The following SCN3A variants were observed in gnomAD, a reference collection of about 807,000 sequenced individuals.
The protein encoded by SCN3A is sodium channel protein type 3 subunit alpha.
Under a neutral mutation model 187.6 loss-of-function variants are expected in SCN3A, and 60 were observed. The ratio of observed to expected loss-of-function variants is 0.32; its 90% CI spans 0.26 to 0.40. The LOEUF is 0.40. Ranked by LOEUF, SCN3A falls within the 10% of genes least tolerant of loss-of-function variation. The pLI, the probability that SCN3A is intolerant of heterozygous loss-of-function variation, is 1.00. For synonymous variants in SCN3A, 788 were observed against 829.2 expected, an observed-to-expected ratio of 0.95 and a Z score of 0.85; for missense variants, 1,601 against 2,428.2, an observed-to-expected ratio of 0.66 and a Z score of 7.16.
At chr2:165,099,089 G>GTGGC (rs1336108264) in intron 22 of SCN3A, among the ~76,000 whole-genome samples, 1 of 152,108 alleles carries the variant, frequency 6.6e-6, no homozygotes, top group Non-Finnish European at 1.5e-5. Flanking sequence ...AGTCTGGAGA[G>GTGGC]TGGCTTAATT....
chr2:165,126,441 TTC>T (rs1287003894), intron 18 of SCN3A, among the ~76,000 whole-genome samples: 1 of 151,168 alleles, frequency 6.6e-6, no homozygotes, highest in Non-Finnish European at 1.5e-5. Flanking sequence ...CTTCCTTCCT[TTC>T]TTTCTCTTTT....
chr2:165,097,746 TGAAAA>T, intron 22 of SCN3A: 1 of 584,718 alleles, frequency 1.7e-6, no homozygotes, highest in Non-Finnish European at 3.0e-6. Context: ...TGCTACAGTA[TGAAAA>T]GAAATCATTA....
chr2:165,115,406 C>T (rs373494996), intron 19 of SCN3A, 49 bp downstream of exon 19: 239 of 1,611,526 alleles, frequency 1.5e-4, no homozygotes, highest in Middle Eastern at 1.5e-3. Flanking sequence ...ATTCAGTCTC[C>T]GTAAAGAACA....
At chr2:165,099,633 C>T (rs566993473) in intron 22 of SCN3A, among the ~76,000 whole-genome samples, 12 of 152,216 alleles carry the variant, frequency 7.9e-5, no homozygotes, top group African/African-American at 2.6e-4. Context: ...AGGAGAATGG[C>T]GTGAACCCGG....
chr2:165,125,135 C>A (rs1686910839), intron 18 of SCN3A, among the ~76,000 whole-genome samples: 1 of 152,100 alleles, frequency 6.6e-6, no homozygotes, highest in South Asian at 2.1e-4. Flanking sequence ...GTCTTTAATA[C>A]CAAGCTCACT....
In SCN3A at chr2:165,130,240, G is replaced by T. The variant is rs1687231457; in HGVS notation, c.2622C>A (p.Ile874=). The T allele has an allele frequency of 1.2e-6, 2 of 1,614,142 alleles. No individual in the cohort carries two copies. Among genetic ancestry groups the T allele is most frequent in the Non-Finnish European group, 1.7e-6 (2 of 1,180,024 alleles). Residue 874 remains isoleucine (I), a synonymous_variant, in exon 17 of 28, where the codon ATC becomes ATA. Transcript: ENST00000283254. ...CTAGAGCCCCCACAGAATTGCCAAT[G>T]ATCTTAATTAGCATATTTAGTGTGG... The part of the protein sequence containing the change: ...SWPTLNMLIK[I]IGNSVGALGN...
intron 3 of SCN3A, among the ~76,000 whole-genome samples, chr2:165,172,411 G>A (rs1690165424): frequency 6.6e-6 from 1 of 152,140 alleles, no homozygotes; most frequent in Admixed American, 6.6e-5. Flanking sequence ...GTAGGACTGT[G>A]TGTAAAGGAC....
chr2:165,169,946 A>G (rs1371873461), intron 4 of SCN3A, among the ~76,000 whole-genome samples: 1 of 151,904 alleles, frequency 6.6e-6, no homozygotes, highest in Non-Finnish European at 1.5e-5. Flanking sequence ...AGAAGGGAAT[A>G]AGACGGAAGG....
chr2:165,114,212 T>TTTCATTC (rs1686250305), intron 19 of SCN3A, among the ~76,000 whole-genome samples: 1 of 152,142 alleles, frequency 6.6e-6, no homozygotes, highest in Non-Finnish European at 1.5e-5. Flanking sequence ...GTAACAATGG[T>TTTCATTC]TTCATTCTTC....
chr2:165,150,511 T>C (rs564460133), intron 11 of SCN3A, among the ~76,000 whole-genome samples: 6 of 152,344 alleles, frequency 3.9e-5, no homozygotes, highest in East Asian at 1.9e-4. Flanking sequence ...TATTATACTT[T>C]ACCTTGGATA....
intron 25 of SCN3A, among the ~76,000 whole-genome samples, chr2:165,095,203 G>A (rs1468008306): frequency 6.6e-6 from 1 of 152,172 alleles, no homozygotes; most frequent in Non-Finnish European, 1.5e-5. Context: ...AGGAAAAAAT[G>A]AAGATGGAAA....
chr2:165,097,114 A>T, intron 23 of SCN3A, 138 bp downstream of exon 23: 1 of 799,870 alleles, frequency 1.3e-6, no homozygotes, highest in South Asian at 1.8e-5. Context: ...TGATCAATTC[A>T]AGCTGATATT....
rs1219261570 is a variant in SCN3A at position 165,107,575 on chromosome 2, C to T, written c.3843+5310G>A. Among the ~76,000 whole-genome samples the T allele has an allele frequency of 2.0e-5, 3 of 152,212 alleles. 1 individual carries two copies. The highest frequency in any genetic ancestry group is 7.2e-5 in the African/African-American group (3 of 41,464). On this transcript the variant is annotated intron_variant, in intron 21 of 27. Transcript: ENST00000283254. ...AGATAAAATTCAAGGCAGGTGTCTGCATATTAGCAAGGCACCATCTCATTG... is the reference window on the plus strand; with the variant it reads ...AGATAAAATTCAAGGCAGGTGTCTGTATATTAGCAAGGCACCATCTCATTG...
Position 165,162,702 on chromosome 2 carries a change from C to T in SCN3A, c.821G>A (p.Arg274Lys). The stretch of plus-strand genomic sequence containing the variant: ...TGGGGGCCACTGCAAACATTTATTC[C>T]TCAGATTGCCCATGAACAGCTGCAG... The part of the protein sequence containing the change: ...IGLQLFMGNL[R>K]NKCLQWPPSD... Residue 274 changes from arginine to lysine, a missense_variant, in exon 8 of 28, where the codon AGG becomes AAG. By Grantham distance (26) the Arg-to-Lys change is conservative. Around this residue, in one of 11 missense-constraint regions of SCN3A, gnomAD observed 104 missense variants for 102.7 expected, o/e 1.01. Coordinates refer to ENST00000283254, the MANE Select transcript of SCN3A (RefSeq NM_006922.4). 1.9e-6 allele frequency: 3 copies of T among 1,614,076 alleles called. No homozygotes were observed. Among genetic ancestry groups the T allele is most frequent in the Non-Finnish European group, 2.5e-6 (3 of 1,179,998 alleles).
chr2:165,092,576 T>A lies in SCN3A; in HGVS notation c.4537-52A>T. The A allele has an allele frequency of 6.5e-7, 1 of 1,540,820 alleles. No homozygotes were observed. The highest frequency in any genetic ancestry group is 1.4e-5 in the African/African-American group (1 of 73,060). On this transcript the variant is annotated intron_variant, in intron 26 of 27. Transcript: ENST00000283254. The surrounding 1 kb of genome is among the most constrained non-coding windows in gnomAD (Gnocchi z 4.2). ...GTTACTATATATATTTCATAAAGAATAATGCAGTAAAATTGTAGATAAAGC... is the reference window on the plus strand; with the variant it reads ...GTTACTATATATATTTCATAAAGAAAAATGCAGTAAAATTGTAGATAAAGC...
At chr2:165,157,053 G>A (rs1460418722) in intron 9 of SCN3A, among the ~76,000 whole-genome samples, 1 of 152,064 alleles carries the variant, frequency 6.6e-6, no homozygotes, top group African/African-American at 2.4e-5. Context: ...TGGGACTACA[G>A]GTGCCTGCCA....
chr2:165,162,455 T>C lies in SCN3A; in HGVS notation c.968-84A>G, dbSNP rs900585855. 2.5e-6 allele frequency: 4 copies of C among 1,593,238 alleles called. No homozygotes were observed. The African/African-American group carries it at 5.4e-5, about 21-fold the overall frequency. On this transcript the variant is annotated intron_variant, in intron 8 of 27. Coordinates refer to ENST00000283254, the MANE Select transcript of SCN3A (RefSeq NM_006922.4). ...AGTAATAAATCAGAGTTGGACTATT[T>C]CAGTTATTTACAAAGGTGGCTGTAC... is the stretch of plus-strand genomic sequence containing the variant.
At chr2:165,149,295 C>T (rs1257477672) in intron 11 of SCN3A, among the ~76,000 whole-genome samples, 1 of 152,014 alleles carries the variant, frequency 6.6e-6, no homozygotes, top group African/African-American at 2.4e-5. Flanking sequence ...CTGCCTCAGC[C>T]CCCTGAGTAG....
intron 21 of SCN3A, among the ~76,000 whole-genome samples, chr2:165,103,418 C>A (rs940420504): frequency 3.2e-4 from 48 of 152,172 alleles, no homozygotes; most frequent in African/African-American, 1.1e-3. Flanking sequence ...CCTTTCAATA[C>A]ATAGTGTTTT....
Sources: allele counts gnomAD v4.1 joint callset (sites outside exome capture counted in the v4.1 genomes callset), GRCh38; gene constraint gnomAD v4.1.1; regional missense constraint gnomAD v4.1.1; non-coding constraint Gnocchi (gnomAD v3.1); transcripts MANE v1.5; gene names NCBI Gene and HGNC (gene_info 2026-07-23, HGNC 2026-07-21).